Variants in CDK19 observed in about 807,000 individuals in gnomAD.
CDK19 encodes the protein cyclin-dependent kinase 19.
In CDK19, 20 loss-of-function variants were observed where a neutral mutation model predicts 68.3. The ratio of observed to expected loss-of-function variants is 0.29; its 90% CI spans 0.21 to 0.43. The LOEUF is 0.43. Ranked by LOEUF, CDK19 falls within the 20% of genes least tolerant of loss-of-function variation. The probability of loss-of-function intolerance (pLI) is 1.00; values close to 1 mark genes in which losing one functional copy is unlikely to be tolerated. For synonymous variants in CDK19, 221 were observed against 222.8 expected, an observed-to-expected ratio of 0.99 and a Z score of 0.07; for missense variants, 339 against 623.5, an observed-to-expected ratio of 0.54 and a Z score of 4.86.
chr6:110,714,333 T>C (rs1430571933), intron 2 of CDK19, among the ~76,000 whole-genome samples: 1 of 152,248 alleles, frequency 6.6e-6, no homozygotes, highest in Non-Finnish European at 1.5e-5. Flanking sequence ...ACGACAGTTA[T>C]TTCTAATTTT....
chr6:110,731,115 GAAAAGAAAAGAAAAGAAAAGAA>G (rs1429024139), intron 2 of CDK19, among the ~76,000 whole-genome samples: 34 of 104,792 alleles, frequency 3.2e-4, no homozygotes, highest in African/African-American at 9.5e-4. Flanking sequence ...GAAAAGAAAG[GAAAAGAAAAGAAAAGAAAAGAA>G]AAAAGAAAAG....
intron 2 of CDK19, among the ~76,000 whole-genome samples, chr6:110,745,883 G>A (rs560560946): frequency 1.4e-4 from 22 of 152,190 alleles, no homozygotes; most frequent in African/African-American, 3.6e-4. Context: ...CAGGAAGATC[G>A]CTTGAGCCTA....
At chr6:110,704,829 G>GT (rs1324181317) in intron 2 of CDK19, among the ~76,000 whole-genome samples, 1 of 152,130 alleles carries the variant, frequency 6.6e-6, no homozygotes, top group Non-Finnish European at 1.5e-5. Flanking sequence ...ATGAGAGGGA[G>GT]ATGGAGGGAG....
At chr6:110,748,905 AAGC>A (rs528861123) in intron 1 of CDK19, among the ~76,000 whole-genome samples, 11 of 152,246 alleles carry the variant, frequency 7.2e-5, no homozygotes, top group Non-Finnish European at 1.5e-4. Context: ...CAAAGCTGAA[AAGC>A]AGGTGAACCT....
chr6:110,711,234 G>C (rs1278669565), intron 2 of CDK19, among the ~76,000 whole-genome samples: 2 of 152,162 alleles, frequency 1.3e-5, no homozygotes, highest in Non-Finnish European at 2.9e-5. Flanking sequence ...AGAATGGTTA[G>C]ACACTGAATG....
chr6:110,734,284 A>T (rs1467170926), intron 2 of CDK19, among the ~76,000 whole-genome samples: 1 of 152,172 alleles, frequency 6.6e-6, no homozygotes, highest in Non-Finnish European at 1.5e-5. Flanking sequence ...TGCTGGGATT[A>T]CAGGCGTGAG....
intron 5 of CDK19, among the ~76,000 whole-genome samples, chr6:110,635,685 A>G (rs1290976932): frequency 1.3e-5 from 2 of 152,090 alleles, no homozygotes; most frequent in Non-Finnish European, 2.9e-5. Flanking sequence ...GATTACAGGC[A>G]CGCACCACCA....
At chr6:110,641,945 G>C (rs1780215490) in intron 4 of CDK19, among the ~76,000 whole-genome samples, 2 of 152,198 alleles carry the variant, frequency 1.3e-5, no homozygotes, top group South Asian at 4.1e-4. Flanking sequence ...GATGTGACAA[G>C]AGCAGTGAAT....
intron 4 of CDK19, among the ~76,000 whole-genome samples, chr6:110,665,801 T>C (rs922132084): frequency 3.3e-5 from 5 of 152,086 alleles, no homozygotes; most frequent in Admixed American, 1.3e-4. Flanking sequence ...CAGGCAGAGT[T>C]TGCAGTGATC....
chr6:110,687,424 T>C (rs2114555118), intron 2 of CDK19, among the ~76,000 whole-genome samples: 1 of 152,352 alleles, frequency 6.6e-6, no homozygotes, highest in South Asian at 2.1e-4. Context: ...AGACAAATTA[T>C]CCATTTGTAG....
At chr6:110,683,197 A>G (rs904819853) in intron 2 of CDK19, among the ~76,000 whole-genome samples, 5 of 150,848 alleles carry the variant, frequency 3.3e-5, no homozygotes, top group Non-Finnish European at 7.4e-5. Context: ...AAAAAAAAAA[A>G]GTACATAGCA....
At chr6:110,708,423 C>G (rs147614157) in intron 2 of CDK19, among the ~76,000 whole-genome samples, 4 of 152,318 alleles carry the variant, frequency 2.6e-5, no homozygotes, top group Non-Finnish European at 4.4e-5. Flanking sequence ...GTTCCCTCCC[C>G]CTATAGCTCC....
intron 2 of CDK19, among the ~76,000 whole-genome samples, chr6:110,709,090 C>T (rs1293281616): frequency 1.3e-5 from 2 of 152,128 alleles, no homozygotes; most frequent in East Asian, 3.8e-4. Flanking sequence ...ACATTATTAT[C>T]TCAATAGATG....
chr6:110,727,948 A>C (rs991254690), intron 2 of CDK19, among the ~76,000 whole-genome samples: 1 of 150,964 alleles, frequency 6.6e-6, no homozygotes, highest in African/African-American at 2.4e-5. Context: ...TTATCCTGCC[A>C]CTGCACTGCA....
intron 2 of CDK19, among the ~76,000 whole-genome samples, chr6:110,701,402 A>AC (rs1773994383): frequency 7.1e-6 from 1 of 140,844 alleles, no homozygotes; most frequent in Non-Finnish European, 1.6e-5. Flanking sequence ...AAAAAAAAAA[A>AC]TTAGCCGAGC....
intron 2 of CDK19, among the ~76,000 whole-genome samples, chr6:110,691,807 C>T (rs1024217145): frequency 1.7e-4 from 26 of 150,700 alleles, no homozygotes; most frequent in Admixed American, 4.0e-4. Flanking sequence ...GCCACGATGC[C>T]GGGCTTATTT....
rs61710346 is a variant in CDK19, at chr6:110,807,814, CT to C, written c.128+7194del. Among the ~76,000 whole-genome samples the C allele has an allele frequency of 4.5e-3, 654 of 143,746 alleles. 1 individual carries two copies. Among genetic ancestry groups the C allele is most frequent in the Admixed American group, 5.5e-3 (79 of 14,296 alleles). The allele number at this position is 143,746 out of a possible 152,430, so 94.3% of individuals were successfully genotyped here. A position where few individuals can be genotyped will look rare whatever the true frequency, so the allele number is the denominator to read the frequency against. On this transcript the variant is annotated intron_variant, in intron 1 of 12. Coordinates refer to ENST00000368911, the MANE Select transcript of CDK19 (RefSeq NM_015076.5). ...ATTTACAAACTTTTTTTTATAATAC[CT>C]TTTTTTTTTTTTAAGAGAGTCTCGT...
At chr6:110,729,901 T>C (rs184048665) in intron 2 of CDK19, among the ~76,000 whole-genome samples, 122 of 152,218 alleles carry the variant, frequency 8.0e-4, no homozygotes, top group African/African-American at 2.8e-3. Flanking sequence ...CACAATACTG[T>C]ACCCAATTCA....
At chr6:110,742,370 C>T (rs1181420894) in intron 2 of CDK19, among the ~76,000 whole-genome samples, 1 of 152,146 alleles carries the variant, frequency 6.6e-6, no homozygotes, top group Non-Finnish European at 1.5e-5. Context: ...TGTACATCAC[C>T]TCAGGACCAC....
Sources: allele counts gnomAD v4.1 joint callset (sites outside exome capture counted in the v4.1 genomes callset), GRCh38; gene constraint gnomAD v4.1.1; transcripts MANE v1.5; gene names NCBI Gene and HGNC (gene_info 2026-07-23, HGNC 2026-07-21).